The following UVRAG variants were observed in gnomAD, a reference collection of about 807,000 sequenced individuals.
UVRAG encodes UV radiation resistance associated.
In UVRAG, 19 loss-of-function variants were observed where a neutral mutation model predicts 78.0. That is an observed-to-expected ratio of 0.24 (90% confidence interval 0.17 to 0.36). The LOEUF (loss-of-function observed/expected upper bound fraction) is 0.36, where lower values mean the gene tolerates loss of function less well. Ranked by LOEUF, UVRAG falls within the 10% of genes least tolerant of loss-of-function variation. The pLI, the probability that UVRAG is intolerant of heterozygous loss-of-function variation, is 1.00. For missense variants in UVRAG, 740 were observed against 853.8 expected (o/e 0.87, Z 1.66); for synonymous variants, 323 against 324.6 (o/e 1.00, Z 0.05).
intron 5 of UVRAG, among the ~76,000 whole-genome samples, chr11:75,902,746 C>G (rs1397386396): frequency 1.3e-5 from 2 of 151,958 alleles, no homozygotes; most frequent in Non-Finnish European, 2.9e-5. Context: ...TGAAGTAGTT[C>G]TGGTATCTGT....
intron 12 of UVRAG, among the ~76,000 whole-genome samples, chr11:76,033,563 C>T (rs184013265): frequency 6.6e-6 from 1 of 151,816 alleles, no homozygotes; most frequent in African/African-American, 2.4e-5. Context: ...GAAAAAAAAA[C>T]CTTGTCTATA....
chr11:75,943,384 T>A (rs181430994), intron 6 of UVRAG, among the ~76,000 whole-genome samples: 12 of 152,058 alleles, frequency 7.9e-5, no homozygotes, highest in Admixed American at 7.2e-4. Context: ...TCCATATCTG[T>A]AGTTTGTTTT....
intron 13 of UVRAG, among the ~76,000 whole-genome samples, chr11:76,097,133 C>T (rs545592301): frequency 6.6e-6 from 1 of 152,262 alleles, no homozygotes; most frequent in South Asian, 2.1e-4. Context: ...CGTTTCCCTC[C>T]TTGTGTAAAA....
At chr11:75,939,969 C>G (rs1948450939) in intron 6 of UVRAG, among the ~76,000 whole-genome samples, 1 of 152,170 alleles carries the variant, frequency 6.6e-6, no homozygotes, top group African/African-American at 2.4e-5. Flanking sequence ...TCCTGAAACA[C>G]TATACCAAAA....
chr11:76,077,036 A>G (rs541822230), intron 13 of UVRAG, among the ~76,000 whole-genome samples: 20 of 150,194 alleles, frequency 1.3e-4, no homozygotes, highest in African/African-American at 3.9e-4. Context: ...AAAGATGTCT[A>G]TTGAAAGAAT....
At chr11:75,960,430 A>T (rs952477172) in intron 6 of UVRAG, among the ~76,000 whole-genome samples, 1 of 152,120 alleles carries the variant, frequency 6.6e-6, no homozygotes, top group Non-Finnish European at 1.5e-5. Context: ...AGACAGTTTG[A>T]CCATTTGGTA....
chr11:76,033,613 A>G (rs1950476893), intron 12 of UVRAG, among the ~76,000 whole-genome samples: 1 of 152,180 alleles, frequency 6.6e-6, no homozygotes, highest in African/African-American at 2.4e-5. Context: ...AGGATCCAGA[A>G]TATATATTTT....
chr11:75,845,405 A>G (rs1208825300), intron 1 of UVRAG, among the ~76,000 whole-genome samples: 1 of 152,212 alleles, frequency 6.6e-6, no homozygotes, highest in East Asian at 1.9e-4. Context: ...ACTATTCACA[A>G]TAGCAAAGAC....
chr11:75,948,699 C>CTGTTGTACATATATGT, intron 6 of UVRAG, among the ~76,000 whole-genome samples: 1 of 152,076 alleles, frequency 6.6e-6, no homozygotes, highest in African/African-American at 2.4e-5. Flanking sequence ...ATCAACATGA[C>CTGTTGTACATATATGT]TAGAAGTACA....
chr11:75,991,064 G>A (rs577588417), intron 8 of UVRAG, among the ~76,000 whole-genome samples: 8 of 152,296 alleles, frequency 5.3e-5, no homozygotes, highest in African/African-American at 1.9e-4. Flanking sequence ...GTTTGGCAGT[G>A]ATAAGTATCT....
At chr11:76,116,099 A>G in intron 14 of UVRAG, 84 bp downstream of exon 14, 1 of 1,288,908 alleles carries the variant, frequency 7.8e-7, no homozygotes, top group Non-Finnish European at 1.1e-6. Context: ...ATTGCTCCAC[A>G]CCTGCCTCTG....
At chr11:76,093,262 C>T (rs923398942) in intron 13 of UVRAG, among the ~76,000 whole-genome samples, 3 of 152,110 alleles carry the variant, frequency 2.0e-5, no homozygotes, top group African/African-American at 7.2e-5. Context: ...TTACTGTAGC[C>T]TTGTAGTGTA....
rs1372604792 is a variant in UVRAG, at chr11:75,888,883, G to C, written c.487G>C (p.Gly163Arg). Reference sequence around the variant, plus strand: ...TTTTGGGCTGAATGATGGATACTATGGTGCTCCATTTGAACATAAGGTAAG... The same window carrying C: ...TTTTGGGCTGAATGATGGATACTATCGTGCTCCATTTGAACATAAGGTAAG... The part of the protein sequence containing the change: ...IIFGLNDGYY[G>R]APFEHKGYSN... The change falls in exon 5 of 15, where the codon GGT becomes CGT. Residue 163 changes from glycine to arginine, a missense_variant. Physicochemically the swap from Gly to Arg is moderately radical, Grantham distance 125. Coordinates refer to ENST00000356136, the MANE Select transcript of UVRAG (RefSeq NM_003369.4). 2 of 1,613,214 alleles carry C rather than the reference G, an allele frequency of 1.2e-6. No homozygotes were observed. Among genetic ancestry groups the C allele is most frequent in the Non-Finnish European group, 1.7e-6 (2 of 1,179,632 alleles).
intron 6 of UVRAG, among the ~76,000 whole-genome samples, chr11:75,946,087 A>C (rs1948583374): frequency 6.6e-6 from 1 of 152,174 alleles, no homozygotes. Context: ...TTTATTACTT[A>C]ACAGAGGGCA....
chr11:75,969,980 G>T (rs1565404406), intron 7 of UVRAG, among the ~76,000 whole-genome samples: 1 of 152,082 alleles, frequency 6.6e-6, no homozygotes, highest in African/African-American at 2.4e-5. Context: ...AATTTTAATT[G>T]TTTACTTTAT....
At chr11:75,974,655 C>A (rs1410297815) in intron 7 of UVRAG, among the ~76,000 whole-genome samples, 2 of 152,066 alleles carry the variant, frequency 1.3e-5, no homozygotes, top group Non-Finnish European at 2.9e-5. Context: ...CGTGAGCCAC[C>A]GCGCCCGGCC....
At position 75,815,216 on chromosome 11, in the gene UVRAG, A is replaced by G. The variant is rs1035659649; in HGVS notation, c.-192A>G. On this transcript the variant is annotated 5_prime_UTR_variant, in exon 1 of 15. The change creates a new upstream start codon in the 5' untranslated region. Coordinates refer to ENST00000356136, the MANE Select transcript of UVRAG (RefSeq NM_003369.4). ...GGTGGAGGGGTTGCACTGCGGTAAT[A>G]TGGCTCTTCCTTAGCCAGCGGCGGC... 8 of 431,510 alleles carry G rather than the reference A, an allele frequency of 1.9e-5. No individual in the cohort carries two copies. The highest frequency in any genetic ancestry group is 1.6e-4 in the South Asian group (3 of 18,298). The allele number at this position is 431,510 out of a possible 1,614,324, so 26.7% of individuals were successfully genotyped here. A position where few individuals can be genotyped will look rare whatever the true frequency, so the allele number is the denominator to read the frequency against.
chr11:76,040,703 G>A (rs940214388), intron 12 of UVRAG, among the ~76,000 whole-genome samples: 23 of 151,778 alleles, frequency 1.5e-4, no homozygotes, highest in African/African-American at 4.8e-5. Flanking sequence ...TTACAGGCAC[G>A]CGCAACCACA....
chr11:75,845,546 G>A (rs1946014665), intron 1 of UVRAG, among the ~76,000 whole-genome samples: 1 of 152,196 alleles, frequency 6.6e-6, no homozygotes, highest in Non-Finnish European at 1.5e-5. Flanking sequence ...GTTGGAGCTG[G>A]ATTCTATTAT....
Sources: gnomAD v4.1 joint callset for allele counts (sites outside exome capture counted in the v4.1 genomes callset) on GRCh38, gnomAD v4.1.1 for gene constraint, MANE v1.5 for transcripts, NCBI Gene and HGNC (gene_info 2026-07-23, HGNC 2026-07-21) for gene names.